Variants in EIF4G3 observed in about 807,000 individuals in gnomAD.
The protein encoded by EIF4G3 is eIF-4-gamma 3.
EIF4G3 carries 34 observed loss-of-function variants against 186.4 expected under a neutral mutation model. The ratio of observed to expected loss-of-function variants is 0.18; its 90% CI spans 0.14 to 0.24. The LOEUF is 0.24. EIF4G3 is among the 10% of genes least tolerant of loss of function. The probability of loss-of-function intolerance (pLI) is 1.00; values close to 1 mark genes in which losing one functional copy is unlikely to be tolerated. For synonymous variants in EIF4G3, 673 were observed against 679.5 expected, an observed-to-expected ratio of 0.99 and a Z score of 0.15; for missense variants, 1,536 against 1,948.5, an observed-to-expected ratio of 0.79 and a Z score of 3.99.
intron 2 of EIF4G3, among the ~76,000 whole-genome samples, chr1:21,105,013 T>C (rs1334158007): frequency 3.3e-5 from 5 of 152,136 alleles, no homozygotes; most frequent in African/African-American, 9.7e-5. Context: ...TGAGTACGCA[T>C]TGACACAAAG....
At chr1:20,918,360 C>T (rs1338332933) in intron 14 of EIF4G3, among the ~76,000 whole-genome samples, 1 of 152,092 alleles carries the variant, frequency 6.6e-6, no homozygotes, top group Non-Finnish European at 1.5e-5. Flanking sequence ...CAGTCACGCA[C>T]CAGCACACTT....
intron 18 of EIF4G3, among the ~76,000 whole-genome samples, chr1:20,890,058 C>T (rs780285414): frequency 2.7e-5 from 4 of 150,426 alleles, no homozygotes; most frequent in Non-Finnish European, 5.9e-5. Flanking sequence ...CTACAGCCTC[C>T]GCCTCCCGGG....
rs2092114339 is a variant in EIF4G3 at position 21,026,520 on chromosome 1, A to G, written c.-66-23712T>C. ...TAGATACAATACCAAAGGCAGAAGC[A>G]AAAAAAAAAAAAAGTAGACAACTTG... On this transcript the variant is annotated intron_variant, in intron 4 of 36. Transcript: ENST00000602326. Among the ~76,000 whole-genome samples, 6 of 46,244 alleles carry G rather than the reference A, an allele frequency of 1.3e-4. No individual in the cohort carries two copies. In the South Asian group the frequency reaches 3.1e-3, roughly 24 times the overall value. The allele number at this position is 46,244 out of a possible 152,430, so 30.3% of individuals were successfully genotyped here.
chr1:21,114,714 TAAAAA>T (rs201551229), intron 2 of EIF4G3, among the ~76,000 whole-genome samples: 1 of 149,102 alleles, frequency 6.7e-6, no homozygotes, highest in East Asian at 1.9e-4. Flanking sequence ...CAACACTTAA[TAAAAA>T]AAATTTTTTT....
At chr1:20,871,982 C>T (rs1005665992) in intron 20 of EIF4G3, among the ~76,000 whole-genome samples, 1 of 152,110 alleles carries the variant, frequency 6.6e-6, no homozygotes, top group Non-Finnish European at 1.5e-5. Flanking sequence ...CGCCACCATG[C>T]CCAGCTAATT....
chr1:21,056,080 G>T (rs1240595840), intron 3 of EIF4G3, among the ~76,000 whole-genome samples: 1 of 152,078 alleles, frequency 6.6e-6, no homozygotes, highest in Middle Eastern at 3.2e-3. Context: ...TACATAAAAA[G>T]CTTCCTTAAA....
chr1:21,155,485 G>C (rs997752105), intron 2 of EIF4G3, among the ~76,000 whole-genome samples: 1 of 151,908 alleles, frequency 6.6e-6, no homozygotes, highest in South Asian at 2.1e-4. Context: ...AGTAACTACT[G>C]CCCAGAACCC....
rs1405467983 is a variant in EIF4G3, at chr1:20,807,467, T to C, written c.4778A>G (p.Asp1593Gly). 6.2e-7 allele frequency: 1 copy of C among 1,602,036 alleles called. No individual in the cohort carries two copies. The highest frequency in any genetic ancestry group is 8.5e-7 in the Non-Finnish European group (1 of 1,172,152). The change falls in exon 37 of 37, where the codon GAC (aspartate) becomes GGC (glycine). Residue 1593 changes from aspartate to glycine, a missense_variant. Transcript: ENST00000602326. Reference protein sequence around the residue: ...LLRMFFDCLYDEEVISEDAFY... With the variant: ...LLRMFFDCLYGEEVISEDAFY... ...GGCATCCTCGGAGATCACCTCCTCG[T>C]CATATAGACAATCAAAAAACATCCG...
At chr1:21,128,192 G>A (rs2102455996) in intron 2 of EIF4G3, among the ~76,000 whole-genome samples, 2 of 146,496 alleles carry the variant, frequency 1.4e-5, no homozygotes, top group South Asian at 4.4e-4. Context: ...GGGCGACAGA[G>A]CAAGACTCCG....
chr1:20,943,359 G>A (rs1228993043), intron 13 of EIF4G3, among the ~76,000 whole-genome samples: 1 of 152,134 alleles, frequency 6.6e-6, no homozygotes, highest in Non-Finnish European at 1.5e-5. Context: ...TAGAGAGAAT[G>A]AGACGGAGAG....
chr1:21,141,383 G>GTGTGTT (rs2097334784), intron 2 of EIF4G3, among the ~76,000 whole-genome samples: 1 of 148,826 alleles, frequency 6.7e-6, no homozygotes, highest in Non-Finnish European at 1.5e-5. Flanking sequence ...TTCTTTGTGT[G>GTGTGTT]TGTGTGTGTG....
At chr1:21,123,826 T>C (rs2096972267) in intron 2 of EIF4G3, among the ~76,000 whole-genome samples, 1 of 152,138 alleles carries the variant, frequency 6.6e-6, no homozygotes, top group African/African-American at 2.4e-5. Context: ...GTAATTCCAG[T>C]GTTGACAAAG....
At chr1:20,977,228 C>A (rs1189010328) in intron 10 of EIF4G3, among the ~76,000 whole-genome samples, 1 of 151,836 alleles carries the variant, frequency 6.6e-6, no homozygotes, top group Non-Finnish European at 1.5e-5. Context: ...GCTCTGTCAC[C>A]CAGGTTGGAG....
At chr1:21,040,140 A>G (rs970204871) in intron 4 of EIF4G3, among the ~76,000 whole-genome samples, 20 of 152,236 alleles carry the variant, frequency 1.3e-4, no homozygotes, top group Non-Finnish European at 1.5e-5. Context: ...CAAGGGCATG[A>G]TTAGAGGGTT....
chr1:20,809,986 T>G (rs2058915630), intron 36 of EIF4G3, among the ~76,000 whole-genome samples: 1 of 152,138 alleles, frequency 6.6e-6, no homozygotes, highest in Non-Finnish European at 1.5e-5. Context: ...ATTTTTTTTT[T>G]TTTGGACAGA....
At chr1:20,815,582 C>T (rs1480121916) in intron 34 of EIF4G3, among the ~76,000 whole-genome samples, 4 of 151,866 alleles carry the variant, frequency 2.6e-5, no homozygotes, top group South Asian at 2.1e-4. Context: ...CCCCTCCGTC[C>T]GGCAGCCACC....
chr1:21,013,373 T>G (rs2154570118), intron 4 of EIF4G3, among the ~76,000 whole-genome samples: 1 of 152,224 alleles, frequency 6.6e-6, no homozygotes, highest in African/African-American at 2.4e-5. Context: ...GTATGTATAT[T>G]TAGAGGTTGC....
intron 2 of EIF4G3, among the ~76,000 whole-genome samples, chr1:21,097,857 T>C (rs1214342087): frequency 1.3e-5 from 2 of 152,078 alleles, no homozygotes; most frequent in Non-Finnish European, 2.9e-5. Context: ...ATGAATCTTT[T>C]AGAAGAAACA....
chr1:21,048,915 C>T (rs1031055177), intron 4 of EIF4G3, among the ~76,000 whole-genome samples: 8 of 152,146 alleles, frequency 5.3e-5, no homozygotes, highest in Admixed American at 5.2e-4. Flanking sequence ...ATATATACTA[C>T]ATCTGAATGT....
Sources: allele counts gnomAD v4.1 joint callset (sites outside exome capture counted in the v4.1 genomes callset), GRCh38; gene constraint gnomAD v4.1.1; transcripts MANE v1.5; gene names NCBI Gene and HGNC (gene_info 2026-07-23, HGNC 2026-07-21).